IQGAP3: variants seen among roughly 807,000 people sequenced by gnomAD.
The protein encoded by IQGAP3 is ras GTPase-activating-like protein IQGAP3.
Under a neutral mutation model 208.2 loss-of-function variants are expected in IQGAP3, and 165 were observed. The observed-to-expected ratio is 0.79, with a 90% CI of 0.70 to 0.90. IQGAP3 has a LOEUF of 0.90. IQGAP3 is among the 40% of genes least tolerant of loss of function. The pLI is 0.00. For synonymous variants in IQGAP3, 703 were observed against 803.6 expected, an observed-to-expected ratio of 0.87 and a Z score of 2.12; for missense variants, 1,811 against 2,043.1, an observed-to-expected ratio of 0.89 and a Z score of 2.19.
At chr1:156,528,109 CTACAGCCACA>C in intron 36 of IQGAP3, 49 bp from the exon 37 acceptor site, 1 of 1,404,606 alleles carries the variant, frequency 7.1e-7, no homozygotes, top group Non-Finnish European at 1.0e-6. Context: ...CTTTCCAGGG[CTACAGCCACA>C]TTCTTGCACC....
At chr1:156,566,236 T>C (rs1301655771) in intron 3 of IQGAP3, 132 bp from the exon 4 acceptor site, 1 of 1,213,930 alleles carries the variant, frequency 8.2e-7, no homozygotes. Flanking sequence ...CTGTGGATTT[T>C]CCATCCCTAC....
intron 32 of IQGAP3, 35 bp from the exon 33 acceptor site, chr1:156,531,282 G>A: frequency 6.4e-7 from 1 of 1,554,528 alleles, no homozygotes; most frequent in Non-Finnish European, 8.9e-7. Flanking sequence ...GGAGAGGTAA[G>A]GGGCAGGGGA....
At position 156,540,833 on chromosome 1, in the gene IQGAP3, C is replaced by T. The variant is rs567498406; in HGVS notation, c.2614G>A (p.Ala872Thr). Residue 872 changes from alanine to threonine, a missense_variant, in exon 23 of 38, where the codon GCA becomes ACA. Physicochemically the swap from Ala to Thr is moderately conservative, Grantham distance 58. Transcript: ENST00000361170. The part of the protein sequence containing the change: ...NQSQQDFLAE[A>T]ELLKLQEEVV... ...TCTTCCTGGAGCTTCAGCAGCTCTG[C>T]CTCAGCCAAGAAGTCTTGCTGGCTT... 1 of 1,614,112 alleles carries T rather than the reference C, an allele frequency of 6.2e-7. No homozygotes were observed. Among genetic ancestry groups the T allele is most frequent in the African/African-American group, 1.3e-5 (1 of 75,028 alleles).
At chr1:156,555,473 G>T (rs1366051100) in intron 12 of IQGAP3, among the ~76,000 whole-genome samples, 1 of 152,142 alleles carries the variant, frequency 6.6e-6, no homozygotes, top group East Asian at 1.9e-4. Flanking sequence ...TGATCTGCCT[G>T]CCTGGACCTC....
chr1:156,529,091 G>A lies in IQGAP3; in HGVS notation c.4405-9C>T. 1 of 1,613,772 alleles carries A rather than the reference G, an allele frequency of 6.2e-7. No individual in the cohort carries two copies. The highest frequency in any genetic ancestry group is 1.1e-5 in the South Asian group (1 of 91,038). ...TGCTGGTTGCGGATGTCCTGGGGTT[G>A]GGGAACAGATGGAGGGATGAGTGGT... On this transcript the variant is annotated splice_polypyrimidine_tract_variant and intron_variant, in intron 34 of 37. Transcript: ENST00000361170.
chr1:156,567,185 G>T (rs1202164673), intron 2 of IQGAP3, among the ~76,000 whole-genome samples: 2 of 152,150 alleles, frequency 1.3e-5, no homozygotes, highest in Non-Finnish European at 2.9e-5. Flanking sequence ...ATCTTTGACT[G>T]CTAAACAAAA....
At chr1:156,546,179 G>C (rs1467228984) in intron 19 of IQGAP3, among the ~76,000 whole-genome samples, 1 of 152,168 alleles carries the variant, frequency 6.6e-6, no homozygotes, top group African/African-American at 2.4e-5. Context: ...ACCTCCACCA[G>C]GCTCCTTAAG....
intron 34 of IQGAP3, among the ~76,000 whole-genome samples, chr1:156,529,478 C>T (rs1186803305): frequency 2.0e-5 from 3 of 151,982 alleles, no homozygotes; most frequent in African/African-American, 7.2e-5. Flanking sequence ...TCCTCTCTAA[C>T]TAATTTCAAG....
intron 19 of IQGAP3, 32 bp downstream of exon 19, chr1:156,548,041 C>A (rs1258189321): frequency 1.9e-6 from 3 of 1,599,048 alleles, no homozygotes; most frequent in South Asian, 1.1e-5. Flanking sequence ...TAAGCCCAGG[C>A]CCTGAAGACT....
At position 156,526,179 on chromosome 1, in the gene IQGAP3, G is replaced by T; in HGVS notation, c.*307C>A. ...GGGTGACTGTGGGAGGGCAGTAGCA[G>T]ACACAAGAGTAATGGCTTTCCCAGG... On this transcript the variant is annotated 3_prime_UTR_variant, in exon 38 of 38. Coordinates refer to ENST00000361170, the MANE Select transcript of IQGAP3 (RefSeq NM_178229.5). 3.2e-6 allele frequency: 1 copy of T among 314,750 alleles called. No homozygotes were observed. Among genetic ancestry groups the T allele is most frequent in the East Asian group, 5.7e-5 (1 of 17,408 alleles). 19.5% of individuals were successfully genotyped at this position (314,750 alleles called of 1,614,324 possible).
At chr1:156,565,312 C>G (rs573349825) in intron 4 of IQGAP3, among the ~76,000 whole-genome samples, 18 of 152,294 alleles carry the variant, frequency 1.2e-4, no homozygotes, top group Middle Eastern at 3.4e-3. Context: ...TTTAGATTCA[C>G]AATAAAAGAC....
intron 24 of IQGAP3, 65 bp from the exon 25 acceptor site, chr1:156,539,602 G>A (rs1175073247): frequency 5.9e-6 from 9 of 1,534,222 alleles, no homozygotes; most frequent in Non-Finnish European, 5.4e-6. Context: ...ATAGGATAAG[G>A]AAAGGCTTTC....
At chr1:156,561,760 T>C (rs1370123484) in intron 10 of IQGAP3, 78 bp downstream of exon 10, 22 of 1,393,712 alleles carry the variant, frequency 1.6e-5, no homozygotes, top group East Asian at 2.4e-5. Flanking sequence ...GGACCAACAG[T>C]GGTGATCTTT....
At chr1:156,528,367 GCT>G in intron 36 of IQGAP3, 140 bp downstream of exon 36, 1 of 659,536 alleles carries the variant, frequency 1.5e-6, no homozygotes. Flanking sequence ...GTCTGGGCAT[GCT>G]CTGTCTCCAC....
Position 156,532,978 on chromosome 1 carries a change from A to G in IQGAP3, c.4103+2T>C, listed in dbSNP as rs1361803226. On this transcript the variant is annotated splice_donor_variant, in intron 32 of 37. Coordinates refer to ENST00000361170, the MANE Select transcript of IQGAP3 (RefSeq NM_178229.5). LOFTEE classifies it high-confidence loss of function. ...GCAGGGGCAGAGGCTGGCATCACCC[A>G]CCTCAGAAGCAGGCTACGGGTGTTG... 3.1e-6 allele frequency: 5 copies of G among 1,613,794 alleles called. No homozygotes were observed. Among genetic ancestry groups the G allele is most frequent in the Admixed American group, 3.3e-5 (2 of 59,990 alleles).
Position 156,534,086 on chromosome 1 carries a change from C to T in IQGAP3, c.3796G>A (p.Asp1266Asn). 2.5e-6 allele frequency: 4 copies of T among 1,614,106 alleles called. No individual in the cohort carries two copies. Among genetic ancestry groups the T allele is most frequent in the East Asian group, 2.2e-5 (1 of 44,880 alleles). Residue 1266 changes from aspartate (D) to asparagine (N), a missense_variant, in exon 30 of 38, where the codon GAC (aspartate) becomes AAC (asparagine). By Grantham distance (23) the Asp-to-Asn change is conservative. Transcript: ENST00000361170. ...ACAGCCACCATGTCTGAGTACTCGT[C>T]CACTGCAAAACGCTCCTCTGGCTCT... The part of the protein sequence containing the change: ...VPEPEERFAV[D>N]EYSDMVAVAK...
chr1:156,526,686 C>A (rs1373392077), intron 37 of IQGAP3, 87 bp from the exon 38 acceptor site: 4 of 865,482 alleles, frequency 4.6e-6, no homozygotes, highest in East Asian at 2.5e-5. Context: ...CATCATGGGG[C>A]CTTCTGCAGT....
intron 34 of IQGAP3, among the ~76,000 whole-genome samples, chr1:156,529,851 G>T (rs1441570644): frequency 2.1e-5 from 3 of 142,512 alleles, no homozygotes; most frequent in Non-Finnish European, 4.5e-5. Flanking sequence ...AACCCAGGAG[G>T]TGAAGGTTGC....
chr1:156,544,259 G>T, intron 20 of IQGAP3, 36 bp from the exon 21 acceptor site: 1 of 1,609,880 alleles, frequency 6.2e-7, no homozygotes. Context: ...GCTCCAGCTT[G>T]GGGCCCACCC....
Sources: allele counts gnomAD v4.1 joint callset (sites outside exome capture counted in the v4.1 genomes callset), GRCh38; gene constraint gnomAD v4.1.1; transcripts MANE v1.5; gene names NCBI Gene and HGNC (gene_info 2026-07-23, HGNC 2026-07-21).